Variants in PCDHGA5 observed in about 807,000 individuals in gnomAD.
The protein encoded by PCDHGA5 is protocadherin gamma subfamily A, 5, also known as protocadherin gamma-A5.
Under a neutral mutation model 56.7 loss-of-function variants are expected in PCDHGA5, and 36 were observed. That is an observed-to-expected ratio of 0.64 (90% confidence interval 0.49 to 0.84). PCDHGA5 has a LOEUF of 0.84. Among genes scored for constraint, PCDHGA5 ranks in the 40% least tolerant of loss-of-function variants. The probability of loss-of-function intolerance (pLI) is 0.00; values close to 1 mark genes in which losing one functional copy is unlikely to be tolerated. For missense variants in PCDHGA5, 1,305 were observed against 1,201.5 expected, an observed-to-expected ratio of 1.09 and a Z score of -1.27; for synonymous variants, 563 against 520.2, an observed-to-expected ratio of 1.08 and a Z score of -1.12.
intron 1 of PCDHGA5, chr5:141,370,988 A>T (rs760427095): frequency 2.5e-5 from 41 of 1,613,868 alleles, no homozygotes; most frequent in Non-Finnish European, 3.1e-5. Context: ...TACTGAAAGC[A>T]CCCCTGGACA....
chr5:141,509,830 T>A (rs1328716142), intron 3 of PCDHGA5, among the ~76,000 whole-genome samples: 1 of 152,204 alleles, frequency 6.6e-6, no homozygotes, highest in African/African-American at 2.4e-5. Flanking sequence ...ATCTTCTCTC[T>A]ACCTCCCATT....
intron 1 of PCDHGA5, chr5:141,409,594 C>G: frequency 1.2e-6 from 2 of 1,613,900 alleles, no homozygotes; most frequent in Non-Finnish European, 1.7e-6. Flanking sequence ...TGGCCGAGAA[C>G]AACCCGCCAG....
rs557975319 is a variant in PCDHGA5 at position 141,381,867 on chromosome 5, T to C, written c.2421+15116T>C. ...TTTTTTTGGCAGAGTTTTGCTCTTGTTGTCCAGGCTGGAGTGCAATGGTGT... is the reference window on the plus strand; with the variant it reads ...TTTTTTTGGCAGAGTTTTGCTCTTGCTGTCCAGGCTGGAGTGCAATGGTGT... On this transcript the variant is annotated intron_variant, in intron 1 of 3. Coordinates refer to ENST00000518069, the MANE Select transcript of PCDHGA5 (RefSeq NM_018918.3). Among the ~76,000 whole-genome samples, 9 of 148,494 alleles carry C rather than the reference T, an allele frequency of 6.1e-5. No homozygotes were observed. In the South Asian group the frequency reaches 2.0e-3, roughly 33 times the overall value.
At chr5:141,392,925 G>A (rs1230996735) in intron 1 of PCDHGA5, 22 of 1,613,946 alleles carry the variant, frequency 1.4e-5, no homozygotes, top group Non-Finnish European at 1.9e-5. Flanking sequence ...TGTGCCAGAA[G>A]AGACGGACAA....
chr5:141,388,985 C>T, intron 1 of PCDHGA5: 1 of 1,613,958 alleles, frequency 6.2e-7, no homozygotes, highest in South Asian at 1.1e-5. Flanking sequence ...TTGCTTTGCT[C>T]AAAGTCCGTG....
chr5:141,436,267 T>C (rs2097805427), intron 1 of PCDHGA5, among the ~76,000 whole-genome samples: 1 of 152,198 alleles, frequency 6.6e-6, no homozygotes, highest in South Asian at 2.1e-4. Flanking sequence ...TCTGCTCACC[T>C]AACTTGATTT....
At chr5:141,429,801 C>T (rs2097245893) in intron 1 of PCDHGA5, among the ~76,000 whole-genome samples, 1 of 152,104 alleles carries the variant, frequency 6.6e-6, no homozygotes, top group African/African-American at 2.4e-5. Flanking sequence ...CAGTAATTCT[C>T]AGTAATTACA....
intron 1 of PCDHGA5, chr5:141,389,967 G>C: frequency 8.7e-6 from 14 of 1,614,046 alleles, no homozygotes; most frequent in Non-Finnish European, 1.1e-5. Context: ...GGTGGCCTTG[G>C]CCTTGATCTC....
At chr5:141,381,812 CTTTCT>C (rs1426701973) in intron 1 of PCDHGA5, among the ~76,000 whole-genome samples, 18 of 129,486 alleles carry the variant, frequency 1.4e-4, no homozygotes, top group African/African-American at 3.6e-4. Context: ...TTCTTTCTTT[CTTTCT>C]TTCTTCTTCT....
intron 1 of PCDHGA5, chr5:141,375,806 G>T (rs1223554303): frequency 6.8e-6 from 11 of 1,614,088 alleles, no homozygotes; most frequent in African/African-American, 1.3e-5. Context: ...TTCCACTGGC[G>T]TGGAGCTGGC....
At position 141,490,782 on chromosome 5, in the gene PCDHGA5, ACGGATCTTTGCC is replaced by A; in HGVS notation, c.2422-4023_2422-4012del. 6.2e-7 allele frequency: 1 copy of A among 1,614,054 alleles called. No individual in the cohort carries two copies. Among genetic ancestry groups the A allele is most frequent in the Non-Finnish European group, 8.5e-7 (1 of 1,179,952 alleles). ...TTGTGTATGTCAACCCAGAGGATGGACGGATCTTTGCCCAGCGTACCTTTGACTATGAATTGC... is the reference window on the plus strand; with the variant it reads ...TTGTGTATGTCAACCCAGAGGATGGACAGCGTACCTTTGACTATGAATTGC... On this transcript the variant is annotated intron_variant, in intron 1 of 3. Transcript: ENST00000518069. This position sits in a 1 kb window ranked among gnomAD's most constrained non-coding sequence, Gnocchi z 5.4.
chr5:141,487,297 C>A lies in PCDHGA5; in HGVS notation c.2422-7510C>A. ...TTTGCTTTGTCTCCTTTGGCTCATT[C>A]GTGGCACTACTCTCTAAGTGTCTTC... is the stretch of plus-strand genomic sequence containing the variant. On this transcript the variant is annotated intron_variant, in intron 1 of 3. Transcript: ENST00000518069. This position sits in a 1 kb window ranked among gnomAD's most constrained non-coding sequence, Gnocchi z 5.0. 1 of 1,614,102 alleles carries A rather than the reference C, an allele frequency of 6.2e-7. No homozygotes were observed. The highest frequency in any genetic ancestry group is 8.5e-7 in the Non-Finnish European group (1 of 1,180,002).
chr5:141,410,252 C>A, intron 1 of PCDHGA5: 2 of 1,613,998 alleles, frequency 1.2e-6, no homozygotes. Context: ...ACTCTCTGAC[C>A]CCCAGGCTGA....
At chr5:141,467,582 TGCCATTTATTAA>T (rs2099146610) in intron 1 of PCDHGA5, among the ~76,000 whole-genome samples, 2 of 152,216 alleles carry the variant, frequency 1.3e-5, no homozygotes, top group Non-Finnish European at 1.5e-5. Context: ...GTTGTCCCAA[TGCCATTTATTAA>T]GCACTTCATC....
chr5:141,372,354 C>T lies in PCDHGA5; in HGVS notation c.2421+5603C>T. The T allele has an allele frequency of 1.2e-6, 2 of 1,613,946 alleles. No individual in the cohort carries two copies. Among genetic ancestry groups the T allele is most frequent in the Non-Finnish European group, 8.5e-7 (1 of 1,179,902 alleles). On this transcript the variant is annotated intron_variant, in intron 1 of 3. Coordinates refer to ENST00000518069, the MANE Select transcript of PCDHGA5 (RefSeq NM_018918.3). ...TGTGCGTGATGGAGGACAGCAGCCT[C>T]TTTCAGCCACCGTCATGCTGCACCT...
Position 141,365,252 on chromosome 5 carries a change from G to A in PCDHGA5, c.922G>A (p.Asp308Asn). ...LGEISTLQSL[D>N]YEESRFYLME... ...GGAAATCTCAACTCTACAATCACTG[G>A]ACTATGAAGAATCCAGATTCTACCT... The change falls in exon 1 of 4, where the codon GAC becomes AAC. Residue 308 changes from aspartate (D) to asparagine (N), a missense_variant. Asp to Asn is a conservative substitution (Grantham distance 23, BLOSUM62 1). Transcript: ENST00000518069. The A allele has an allele frequency of 6.2e-7, 1 of 1,613,916 alleles. No individual in the cohort carries two copies. Among genetic ancestry groups the A allele is most frequent in the East Asian group, 2.2e-5 (1 of 44,886 alleles).
chr5:141,511,695 C>A lies in PCDHGA5; in HGVS notation c.*522C>A, dbSNP rs1009832192. The A allele has an allele frequency of 9.7e-5, 19 of 195,544 alleles. No individual in the cohort carries two copies. The highest frequency in any genetic ancestry group is 1.7e-4 in the Non-Finnish European group (16 of 92,634). 12.1% of individuals were successfully genotyped at this position (195,544 alleles called of 1,614,324 possible). A position where few individuals can be genotyped will look rare whatever the true frequency, so the allele number is the denominator to read the frequency against. On this transcript the variant is annotated 3_prime_UTR_variant, in exon 4 of 4. Transcript: ENST00000518069. ...CTTCCCCCAAAGCATGGTTTGGTGC[C>A]AGCCCCTTCACCTCCTTCCAGAGCC...
At chr5:141,383,001 C>T (rs766067848) in intron 1 of PCDHGA5, 1 of 1,613,756 alleles carries the variant, frequency 6.2e-7, no homozygotes, top group South Asian at 1.1e-5. Flanking sequence ...TTCTCTACTC[C>T]GTGTCGGAGG....
At chr5:141,384,580 G>C in intron 1 of PCDHGA5, 1 of 1,614,196 alleles carries the variant, frequency 6.2e-7, no homozygotes, top group Non-Finnish European at 8.5e-7. Flanking sequence ...CAACCCGCCC[G>C]AGATCCTGTA....
Sources: allele counts gnomAD v4.1 joint callset (sites outside exome capture counted in the v4.1 genomes callset), GRCh38; gene constraint gnomAD v4.1.1; non-coding constraint Gnocchi (gnomAD v3.1); transcripts MANE v1.5; gene names NCBI Gene and HGNC (gene_info 2026-07-23, HGNC 2026-07-21).